The following MID1 variants were observed in gnomAD, a reference collection of about 807,000 sequenced individuals.
The protein encoded by MID1 is E3 ubiquitin-protein ligase Midline-1.
MID1 carries 7 observed loss-of-function variants against 40.4 expected under a neutral mutation model. The observed-to-expected ratio is 0.17, with a 90% CI of 0.10 to 0.33. MID1 has a LOEUF of 0.33. Among genes scored for constraint, MID1 ranks in the 10% least tolerant of loss-of-function variants. The pLI, the probability that MID1 is intolerant of heterozygous loss-of-function variation, is 1.00. For missense variants in MID1, 367 were observed against 558.5 expected (o/e 0.66, Z 3.46); for synonymous variants, 229 against 221.2 (o/e 1.04, Z -0.31).
chrX:10,617,305 C>G (rs897822750), intron 1 of MID1, among the ~76,000 whole-genome samples: 2 of 111,707 alleles, frequency 1.8e-5, no homozygotes, highest in African/African-American at 3.3e-5. Flanking sequence ...ATAAATAGAT[C>G]GTGTTTGTAA....
intron 1 of MID1, among the ~76,000 whole-genome samples, chrX:10,735,927 A>C (rs765310205): frequency 9.0e-6 from 1 of 111,571 alleles, no homozygotes. Context: ...CCACTGCACC[A>C]GCCTATATAG....
At chrX:10,817,878 CA>C (rs1319401160) in intron 1 of MID1, among the ~76,000 whole-genome samples, 2 of 111,283 alleles carry the variant, frequency 1.8e-5, no homozygotes, top group Non-Finnish European at 3.8e-5. Context: ...CTTGGCCTCC[CA>C]AAGTGCTGGG....
chrX:10,487,963 T>C (rs1930711180), intron 4 of MID1, among the ~76,000 whole-genome samples: 1 of 109,075 alleles, frequency 9.2e-6, no homozygotes, highest in Admixed American at 9.9e-5. Flanking sequence ...AAAATTAACA[T>C]GAAATTTCAC....
At chrX:10,534,682 T>C (rs1933174099) in intron 2 of MID1, among the ~76,000 whole-genome samples, 1 of 111,952 alleles carries the variant, frequency 8.9e-6, no homozygotes, top group African/African-American at 3.2e-5. Flanking sequence ...GCTTTCACAA[T>C]ACTCATATCC....
upstream of MID1, among the ~76,000 whole-genome samples, chrX:10,625,459 T>C (rs1351642410): frequency 8.9e-6 from 1 of 112,552 alleles, no homozygotes; most frequent in African/African-American, 3.2e-5. Flanking sequence ...TGTATATCCA[T>C]TGCAACAACA....
chrX:10,618,279 T>C (rs1935873299), intron 1 of MID1, among the ~76,000 whole-genome samples: 2 of 112,077 alleles, frequency 1.8e-5, no homozygotes, highest in Admixed American at 9.4e-5. Context: ...AGATGACAAA[T>C]TGGCTGGTGA....
chrX:10,629,491 A>T (rs1266875520), intron 1 of MID1, among the ~76,000 whole-genome samples: 1 of 111,888 alleles, frequency 8.9e-6, no homozygotes, highest in Non-Finnish European at 1.9e-5. Flanking sequence ...GTGAGCCACT[A>T]AGCCTGGCCA....
chrX:10,461,083 A>AATAT lies in MID1; in HGVS notation c.1286-1280_1286-1277dup, dbSNP rs35175429. 3.6e-4 allele frequency among the ~76,000 whole-genome samples: 36 copies of AATAT among 99,353 alleles called. 1 individual carries two copies. The highest frequency in any genetic ancestry group is 1.2e-3 in the African/African-American group (31 of 26,242). The allele number at this position is 99,353 out of a possible 115,157, so 86.3% of individuals were successfully genotyped here. ...TTTTCAAGTACACATCAGTGAATTA[A>AATAT]ATATATATATATATATATGTATGTA... is the stretch of plus-strand genomic sequence containing the variant. On this transcript the variant is annotated intron_variant, in intron 7 of 9. Coordinates refer to ENST00000317552, the MANE Select transcript of MID1 (RefSeq NM_000381.4).
intron 1 of MID1, among the ~76,000 whole-genome samples, chrX:10,631,974 A>T (rs1936057800): frequency 8.9e-6 from 1 of 111,756 alleles, no homozygotes; most frequent in Non-Finnish European, 1.9e-5. Context: ...TTAGCTCTCC[A>T]TATTTGTCTT....
intron 1 of MID1, among the ~76,000 whole-genome samples, chrX:10,781,221 A>C (rs2043843443): frequency 8.9e-6 from 1 of 112,172 alleles, no homozygotes; most frequent in African/African-American, 3.2e-5. Context: ...TGAACAATGA[A>C]TGCACTTTCC....
chrX:10,824,651 G>A (rs930351885), intron 1 of MID1, among the ~76,000 whole-genome samples: 110 of 112,379 alleles, frequency 9.8e-4, no homozygotes, highest in African/African-American at 3.5e-3. Context: ...GATTTAAAAT[G>A]GACTTTTAAA....
chrX:10,602,951 C>T (rs1041857817), intron 1 of MID1, among the ~76,000 whole-genome samples: 1 of 112,604 alleles, frequency 8.9e-6, no homozygotes, highest in African/African-American at 3.2e-5. Context: ...TAGACACTGG[C>T]TTGTTTTGCC....
At chrX:10,491,292 T>C (rs1490633633) in intron 4 of MID1, among the ~76,000 whole-genome samples, 1 of 112,431 alleles carries the variant, frequency 8.9e-6, no homozygotes, top group African/African-American at 3.2e-5. Flanking sequence ...GCTGTTCTTG[T>C]TTGTTTCCTG....
At chrX:10,522,908 G>A (rs1045769436) in intron 3 of MID1, among the ~76,000 whole-genome samples, 184 bp downstream of exon 3, 5 of 112,287 alleles carry the variant, frequency 4.5e-5, no homozygotes, top group African/African-American at 1.6e-4. Context: ...AGCAGCCCTG[G>A]ATGGGAAAGA....
At chrX:10,461,434 AG>A (rs901698807) in intron 7 of MID1, among the ~76,000 whole-genome samples, 8 of 111,320 alleles carry the variant, frequency 7.2e-5, no homozygotes, top group Non-Finnish European at 1.5e-4. Context: ...CATATGATGC[AG>A]GAAAACATCC....
intron 1 of MID1, among the ~76,000 whole-genome samples, chrX:10,792,234 G>C (rs370528198): frequency 1.8e-5 from 2 of 112,204 alleles, no homozygotes; most frequent in East Asian, 5.6e-4. Flanking sequence ...TACAAAAATA[G>C]GTGGCAAGTC....
At chrX:10,489,161 T>C (rs752056799) in intron 4 of MID1, among the ~76,000 whole-genome samples, 5 of 112,173 alleles carry the variant, frequency 4.5e-5, no homozygotes, top group Non-Finnish European at 9.4e-5. Flanking sequence ...AAATAATTTG[T>C]AAATATTTTC....
rs747735585 is a variant in MID1 at position 10,534,165 on chromosome X, A to G, written c.661-10978T>C. On this transcript the variant is annotated intron_variant, in intron 2 of 9. Coordinates refer to ENST00000317552, the MANE Select transcript of MID1 (RefSeq NM_000381.4). ...GCTTTACTTCCTCCATCACTCAGGG[A>G]TTGAATAATTTTGATCTTATCCCCT... Among the ~76,000 whole-genome samples the G allele has an allele frequency of 7.5e-4, 83 of 111,365 alleles. 1 individual carries two copies. Among genetic ancestry groups the G allele is most frequent in the African/African-American group, 2.7e-3 (83 of 30,730 alleles).
intron 1 of MID1, among the ~76,000 whole-genome samples, chrX:10,762,477 T>C (rs1329918162): frequency 7.3e-5 from 8 of 110,079 alleles, no homozygotes; most frequent in African/African-American, 2.6e-4. Flanking sequence ...TTGTTGTTGT[T>C]GTGTGTTTTT....
Sources: allele counts gnomAD v4.1 joint callset (sites outside exome capture counted in the v4.1 genomes callset), GRCh38; gene constraint gnomAD v4.1.1; transcripts MANE v1.5; gene names NCBI Gene and HGNC (gene_info 2026-07-23, HGNC 2026-07-21).